The following NAV1 variants were observed in gnomAD, a reference collection of about 807,000 sequenced individuals.
The protein encoded by NAV1 is pore membrane and/or filament interacting like protein 3.
In NAV1, 18 loss-of-function variants were observed where a neutral mutation model predicts 175.2. That is an observed-to-expected ratio of 0.10 (90% CI 0.07 to 0.15). NAV1 has a LOEUF of 0.15. Ranked by LOEUF, NAV1 falls within the 10% of genes least tolerant of loss-of-function variation. NAV1 has a pLI of 1.00. For missense variants in NAV1, 1,731 were observed against 2,436.6 expected, an observed-to-expected ratio of 0.71 and a Z score of 6.10; for synonymous variants, 897 against 978.7, an observed-to-expected ratio of 0.92 and a Z score of 1.56.
chr1:201,673,512 G>A (rs1215942425), intron 1 of NAV1: 1 of 152,200 alleles, frequency 6.6e-6, no homozygotes, highest in Non-Finnish European at 1.5e-5. Context: ...GGGAGGGTCA[G>A]GCACATTACT....
chr1:201,802,548 A>AG (rs1003040672), intron 15 of NAV1, among the ~76,000 whole-genome samples: 1 of 151,118 alleles, frequency 6.6e-6, no homozygotes, highest in Non-Finnish European at 1.5e-5. Context: ...TGGGAGGCTG[A>AG]GGTGGGTGGA....
chr1:201,657,279 C>T (rs1016319331), intron 1 of NAV1, among the ~76,000 whole-genome samples: 5 of 152,206 alleles, frequency 3.3e-5, no homozygotes, highest in African/African-American at 1.2e-4. Flanking sequence ...AGAGGGCTCA[C>T]TACCTTATTT....
exon 7 of NAV1, chr1:201,783,499 C>A: frequency 6.2e-7 from 1 of 1,614,174 alleles, no homozygotes; most frequent in Non-Finnish European, 8.5e-7. Flanking sequence ...CCAGTGATAC[C>A]ACCCATGCTT....
intron 22 of NAV1, among the ~76,000 whole-genome samples, 190 bp downstream of exon 26, chr1:201,809,727 GCA>G (rs1678570785): frequency 6.6e-6 from 1 of 152,178 alleles, no homozygotes; most frequent in Non-Finnish European, 1.5e-5. Flanking sequence ...GGGATTACAA[GCA>G]TGTGCCACCA....
At chr1:201,717,709 G>A (rs1447463393) in intron 2 of NAV1, among the ~76,000 whole-genome samples, 3 of 152,206 alleles carry the variant, frequency 2.0e-5, no homozygotes, top group African/African-American at 7.2e-5. Flanking sequence ...TATTTCCCCT[G>A]CTGCCCTAGG....
upstream of NAV1, among the ~76,000 whole-genome samples, chr1:201,620,847 CTT>C (rs144256876): frequency 0.031 from 4,767 of 152,214 alleles, 108 homozygotes; most frequent in Non-Finnish European, 0.042. Flanking sequence ...CAAATGATAA[CTT>C]ATTTAATTTG....
rs143222922 is a variant in NAV1 at position 201,734,992 on chromosome 1, A to G, written c.1226+16237A>G. Among the ~76,000 whole-genome samples, 1,426 of 152,286 alleles carry G rather than the reference A, an allele frequency of 9.4e-3. 23 individuals carry two copies. The highest frequency in any genetic ancestry group is 0.032 in the African/African-American group (1,342 of 41,560). ...AAAGGCAGGTCTCCTCGAAGGTTAT[A>G]TAAATATTTGTTGAACAGTAACACA... On this transcript the variant is annotated intron_variant, in intron 3 of 29. Coordinates refer to ENST00000367296, the Ensembl canonical transcript of NAV1.
chr1:201,565,712 T>A (rs1307233715), intron 1 of NAV1, among the ~76,000 whole-genome samples: 4 of 152,138 alleles, frequency 2.6e-5, no homozygotes, highest in African/African-American at 9.7e-5. Flanking sequence ...CCCTGAGACT[T>A]GAGGATAATA....
At chr1:201,674,236 T>A (rs1216192059) in intron 1 of NAV1, 1 of 152,176 alleles carries the variant, frequency 6.6e-6, no homozygotes, top group Non-Finnish European at 1.5e-5. Flanking sequence ...GATGGGGACT[T>A]GGGTTGCCAT....
At position 201,718,545 on chromosome 1, in the gene NAV1, C is replaced by G; in HGVS notation, c.1016C>G (p.Ser339Trp). Residue 339 changes from serine (S) to tryptophan (W), a missense_variant, in exon 3 of 30, where the codon TCG (serine) becomes TGG (tryptophan). Around this residue, in one of 13 missense-constraint regions of NAV1, gnomAD observed 487 missense variants for 581.3 expected, o/e 0.84. Transcript: ENST00000367296. This position sits in a 1 kb window ranked among gnomAD's most constrained non-coding sequence, Gnocchi z 4.8. ...CCCTCTGTGGGTGGGAGCTGCCGCT[C>G]GGAGGGGACGCCCGCCTGGTACATG... 1 of 1,613,126 alleles carries G rather than the reference C, an allele frequency of 6.2e-7. No individual in the cohort carries two copies. The highest frequency in any genetic ancestry group is 8.5e-7 in the Non-Finnish European group (1 of 1,179,626).
At chr1:201,609,812 ACTT>A in intron 2 of NAV1, among the ~76,000 whole-genome samples, 1 of 152,220 alleles carries the variant, frequency 6.6e-6, no homozygotes, top group South Asian at 2.1e-4. Context: ...GGGAAGCCAG[ACTT>A]CTTGTAACTC....
At chr1:201,668,344 A>G (rs1669906120) in intron 1 of NAV1, among the ~76,000 whole-genome samples, 1 of 152,114 alleles carries the variant, frequency 6.6e-6, no homozygotes, top group South Asian at 2.1e-4. Flanking sequence ...ACACCTCTTA[A>G]AAGGTGATTT....
intron 28 of NAV1, chr1:201,816,742 C>T (rs1293183601): frequency 6.0e-6 from 1 of 165,502 alleles, no homozygotes; most frequent in Non-Finnish European, 1.3e-5. Flanking sequence ...CAGTGGCTCA[C>T]TGCAACCTCC....
At chr1:201,603,313 C>T (rs1232209403) in intron 2 of NAV1, among the ~76,000 whole-genome samples, 1 of 152,188 alleles carries the variant, frequency 6.6e-6, no homozygotes, top group East Asian at 1.9e-4. Context: ...CCTTAAGTAT[C>T]TCTTCTATGA....
intron 1 of NAV1, among the ~76,000 whole-genome samples, chr1:201,679,466 C>T (rs987924016): frequency 3.3e-5 from 5 of 152,152 alleles, no homozygotes; most frequent in Non-Finnish European, 7.3e-5. Context: ...CCTCCTCCTT[C>T]CTCTCAACAT....
At chr1:201,649,811 A>G (rs1468831470) in intron 1 of NAV1, among the ~76,000 whole-genome samples, 1 of 152,168 alleles carries the variant, frequency 6.6e-6, no homozygotes, top group East Asian at 1.9e-4. Context: ...AGCATCCCGC[A>G]TTGCAAGGGG....
intron 1 of NAV1, among the ~76,000 whole-genome samples, chr1:201,551,039 G>A (rs1571816162): frequency 6.6e-6 from 1 of 152,336 alleles, no homozygotes; most frequent in East Asian, 1.9e-4. Context: ...GCAACCTTAT[G>A]AGGTGGGCAG....
At chr1:201,705,203 G>T (rs926213) in intron 1 of NAV1, among the ~76,000 whole-genome samples, 1 of 151,952 alleles carries the variant, frequency 6.6e-6, no homozygotes, top group South Asian at 2.1e-4. Context: ...ATGCATTACC[G>T]AGGGTCCCTA....
intron 2 of NAV1, among the ~76,000 whole-genome samples, chr1:201,590,323 T>C (rs1193836761): frequency 1.3e-5 from 2 of 152,164 alleles, no homozygotes; most frequent in African/African-American, 4.8e-5. Flanking sequence ...TCTCAGCCTA[T>C]CCCCTTCCAG....
Sources: gnomAD v4.1 joint callset for allele counts (sites outside exome capture counted in the v4.1 genomes callset) on GRCh38, gnomAD v4.1.1 for gene constraint, gnomAD v4.1.1 regional missense constraint, Gnocchi (gnomAD v3.1) non-coding constraint, MANE v1.5 for transcripts, NCBI Gene and HGNC (gene_info 2026-07-23, HGNC 2026-07-21) for gene names.